XPC: variants seen among roughly 807,000 people sequenced by gnomAD.
XPC encodes DNA repair protein complementing XP-C cells.
A neutral mutation model predicts 95.8 loss-of-function variants in XPC; 76 were observed. The ratio of observed to expected loss-of-function variants is 0.79; its 90% CI spans 0.66 to 0.96. The LOEUF (loss-of-function observed/expected upper bound fraction) is 0.96. Ranked by LOEUF, XPC falls within the 40% of genes least tolerant of loss-of-function variation. XPC has a pLI of 0.00. For synonymous variants in XPC, 442 were observed against 442.1 expected (o/e 1.00, Z 0.00); for missense variants, 1,146 against 1,179.8 (o/e 0.97, Z 0.42).
At chr3:14,167,345 G>GA in intron 4 of XPC, 92 bp from the exon 5 acceptor site, 1 of 1,112,108 alleles carries the variant, frequency 9.0e-7, no homozygotes, top group Non-Finnish European at 1.3e-6. Context: ...GGATGACAGT[G>GA]AATCACTCTC....
In XPC at chr3:14,147,398, T is replaced by C; in HGVS notation, c.2515-19A>G. 2 of 1,590,784 alleles carry C rather than the reference T, an allele frequency of 1.3e-6. No individual in the cohort carries two copies. The highest frequency in any genetic ancestry group is 1.7e-6 in the Non-Finnish European group (2 of 1,168,392). On this transcript the variant is annotated intron_variant, in intron 14 of 15. Transcript: ENST00000285021. ...CCTTTTTCTGCAGGCAAAAATGAAG[T>C]GGGAGAAAAGTGTTAAGCACTGACA... is the stretch of plus-strand genomic sequence containing the variant.
Position 14,147,888 on chromosome 3 carries a change from A to G in XPC, c.2514+20T>C, listed in dbSNP as rs1203468093. 5 of 1,578,330 alleles carry G rather than the reference A, an allele frequency of 3.2e-6. No homozygotes were observed. Among genetic ancestry groups the G allele is most frequent in the African/African-American group, 2.7e-5 (2 of 74,490 alleles). On this transcript the variant is annotated intron_variant, in intron 14 of 15. Transcript: ENST00000285021. ...TTGCTTCCCGCTTCTGCTGTCCCTCAGTCCTGCATATGCGCTTACCTCCTT... is the reference window on the plus strand; with the variant it reads ...TTGCTTCCCGCTTCTGCTGTCCCTCGGTCCTGCATATGCGCTTACCTCCTT...
chr3:14,166,776 T>A (rs1216043625), intron 5 of XPC, among the ~76,000 whole-genome samples: 2 of 152,200 alleles, frequency 1.3e-5, no homozygotes, highest in African/African-American at 4.8e-5. Context: ...ATAAGCTTTA[T>A]CCAAGTCTCT....
At chr3:14,147,457 A>C (rs1695487354) in intron 14 of XPC, 78 bp from the exon 15 acceptor site, 1 of 1,371,306 alleles carries the variant, frequency 7.3e-7, no homozygotes, top group Admixed American at 2.1e-5. Flanking sequence ...GAAACTGTGA[A>C]TGTAAAGACA....
In XPC at chr3:14,178,091, GAAGTT is replaced by G. The variant is rs201573821; in HGVS notation, c.103+370_103+374del. ...GTGGAACTCTGGGTGAGACTCAGCT[GAAGTT>G]ATCATTCGGGAGTCAGCACACTGCA... On this transcript the variant is annotated intron_variant, in intron 1 of 15. Coordinates refer to ENST00000285021, the MANE Select transcript of XPC (RefSeq NM_004628.5). Among the ~76,000 whole-genome samples the G allele has an allele frequency of 6.0e-3, 917 of 152,334 alleles. 9 individuals carry two copies. The highest frequency in any genetic ancestry group is 0.021 in the African/African-American group (862 of 41,576).
chr3:14,159,254 CCCACCTTGGA>C (rs1696069883), intron 8 of XPC, among the ~76,000 whole-genome samples: 1 of 152,170 alleles, frequency 6.6e-6, no homozygotes, highest in African/African-American at 2.4e-5. Flanking sequence ...AGTACTACTA[CCCACCTTGGA>C]CATACGCATT....
chr3:14,169,331 A>T (rs1696517768), intron 3 of XPC, among the ~76,000 whole-genome samples: 1 of 152,258 alleles, frequency 6.6e-6, no homozygotes, highest in Non-Finnish European at 1.5e-5. Context: ...ATGTCTTTGG[A>T]CTTAGTTTAC....
At position 14,146,111 on chromosome 3, in the gene XPC, C is replaced by T. The variant is rs753595377; in HGVS notation, c.2653G>A (p.Asp885Asn). 9 of 1,611,890 alleles carry T rather than the reference C, an allele frequency of 5.6e-6. No individual in the cohort carries two copies. In the African/African-American group the frequency reaches 8.0e-5, roughly 14 times the overall value. Residue 885 changes from aspartate (D) to asparagine (N), a missense_variant, in exon 16 of 16, where the codon GAT becomes AAT. Transcript: ENST00000285021. The stretch of plus-strand genomic sequence containing the variant: ...TGAGAGCTGGTCCCCTCCTCTTCAT[C>T]AGAAGAGAGTCCACCTCCTGCATCT... ...HTDAGGGLSS[D>N]EEEGTSSQAE...
At chr3:14,166,875 T>A (rs1042325386) in intron 5 of XPC, among the ~76,000 whole-genome samples, 1 of 152,182 alleles carries the variant, frequency 6.6e-6, no homozygotes, top group African/African-American at 2.4e-5. Context: ...GCAGCTGGGA[T>A]TAGAATTAAT....
chr3:14,170,648 A>C, intron 2 of XPC, 98 bp from the exon 3 acceptor site: 1 of 875,958 alleles, frequency 1.1e-6, no homozygotes, highest in Non-Finnish European at 1.8e-6. Flanking sequence ...CTATTTATTG[A>C]GAATCTGTTG....
chr3:14,157,901 AC>A (rs1422859311), intron 9 of XPC, 109 bp downstream of exon 9: 2 of 1,396,532 alleles, frequency 1.4e-6, no homozygotes, highest in African/African-American at 1.4e-5. Context: ...AAATGAGACA[AC>A]CCATTAAAAA....
chr3:14,152,978 T>C (rs866151254), intron 10 of XPC: 1 of 152,300 alleles, frequency 6.6e-6, no homozygotes, highest in African/African-American at 2.4e-5. Flanking sequence ...TCCTCTGGCT[T>C]CACTCTTCCT....
chr3:14,165,420 G>A lies in XPC; in HGVS notation c.779+8C>T, dbSNP rs1696335516. Reference sequence around the variant, plus strand: ...CCCCAGCTCTGCAGGACAAGCGGAGGGCCTTACCACTTCACCAGGTTTGAG... The same window carrying A: ...CCCCAGCTCTGCAGGACAAGCGGAGAGCCTTACCACTTCACCAGGTTTGAG... On this transcript the variant is annotated splice_region_variant and intron_variant, in intron 6 of 15. Coordinates refer to ENST00000285021, the MANE Select transcript of XPC (RefSeq NM_004628.5). The A allele has an allele frequency of 6.3e-7, 1 of 1,583,538 alleles. No homozygotes were observed. The highest frequency in any genetic ancestry group is 8.6e-7 in the Non-Finnish European group (1 of 1,163,616).
In XPC at chr3:14,152,425, C is replaced by A. The variant is rs564527141; in HGVS notation, c.2034-9G>T. The stretch of plus-strand genomic sequence containing the variant: ...GAGTGTGCACACAATCCCTGTGGAA[C>A]CAACACAGGACACAAAGGTAACTCA... On this transcript the variant is annotated splice_polypyrimidine_tract_variant and intron_variant, in intron 10 of 15. Coordinates refer to ENST00000285021, the MANE Select transcript of XPC (RefSeq NM_004628.5). The A allele has an allele frequency of 6.2e-7, 1 of 1,607,638 alleles. No individual in the cohort carries two copies. The highest frequency in any genetic ancestry group is 2.2e-5 in the East Asian group (1 of 44,672).
chr3:14,145,181 T>C lies in XPC; in HGVS notation c.*760A>G. On this transcript the variant is annotated 3_prime_UTR_variant, in exon 16 of 16. Transcript: ENST00000285021. ...ATGCTTTATTATTTTCTCAAAATGT[T>C]ATAAAAGTCATTTCTCCTTAGTACA... 3.8e-6 allele frequency: 2 copies of C among 525,450 alleles called. No individual in the cohort carries two copies. Among genetic ancestry groups the C allele is most frequent in the South Asian group, 5.7e-5 (2 of 35,362 alleles). The allele number at this position is 525,450 out of a possible 1,614,324, so 32.5% of individuals were successfully genotyped here.
intron 4 of XPC, 61 bp downstream of exon 4, chr3:14,168,196 T>C (rs1042691617): frequency 1.3e-6 from 2 of 1,540,490 alleles, no homozygotes; most frequent in Non-Finnish European, 1.7e-6. Context: ...AAAGTCCTCC[T>C]AAGCAGCAGC....
rs1460604928 is a variant in XPC at position 14,163,393 on chromosome 3, A to C, written c.900+1420T>G. ...ATAAATGGATAGAGAAAATGTATAAACATGTAATGGAATATTATTCAGCTA... is the reference window on the plus strand; with the variant it reads ...ATAAATGGATAGAGAAAATGTATAACCATGTAATGGAATATTATTCAGCTA... On this transcript the variant is annotated intron_variant, in intron 7 of 15. Transcript: ENST00000285021. Among the ~76,000 whole-genome samples the C allele has an allele frequency of 2.0e-5, 3 of 152,254 alleles. No homozygotes were observed. The East Asian group carries it at 5.8e-4, about 29-fold the overall frequency.
intron 4 of XPC, 65 bp from the exon 5 acceptor site, chr3:14,167,318 G>T (rs764325358): frequency 9.4e-5 from 130 of 1,383,744 alleles, no homozygotes; most frequent in Non-Finnish European, 1.2e-4. Context: ...CACTCCCCCA[G>T]GCAATTCCTT....
At chr3:14,159,270 G>A (rs1216305137) in intron 8 of XPC, among the ~76,000 whole-genome samples, 1 of 152,092 alleles carries the variant, frequency 6.6e-6, no homozygotes, top group African/African-American at 2.4e-5. Context: ...TTGGACATAC[G>A]CATTTTGCAA....
Sources: allele counts gnomAD v4.1 joint callset (sites outside exome capture counted in the v4.1 genomes callset), GRCh38; gene constraint gnomAD v4.1.1; transcripts MANE v1.5; gene names NCBI Gene and HGNC (gene_info 2026-07-23, HGNC 2026-07-21).